The following DOCK3 variants were observed in gnomAD, a reference collection of about 807,000 sequenced individuals.
DOCK3 encodes the protein dedicator of cytokinesis protein 3.
In DOCK3, 60 loss-of-function variants were observed where a neutral mutation model predicts 265.6. That is an observed-to-expected ratio of 0.23 (90% CI 0.18 to 0.28). The LOEUF (loss-of-function observed/expected upper bound fraction) is 0.28. DOCK3 is among the 10% of genes least tolerant of loss of function. DOCK3 has a pLI of 1.00. For missense variants in DOCK3, 1,981 were observed against 2,594.3 expected, an observed-to-expected ratio of 0.76 and a Z score of 5.14; for synonymous variants, 881 against 938.0, an observed-to-expected ratio of 0.94 and a Z score of 1.11.
intron 1 of DOCK3, among the ~76,000 whole-genome samples, chr3:50,749,212 A>G (rs2039637113): frequency 6.6e-6 from 1 of 152,114 alleles, no homozygotes; most frequent in Non-Finnish European, 1.5e-5. Context: ...CAAATATTTA[A>G]TTAAAATATT....
chr3:51,135,263 A>G (rs147899427), intron 9 of DOCK3, among the ~76,000 whole-genome samples: 3 of 152,310 alleles, frequency 2.0e-5, no homozygotes, highest in African/African-American at 7.2e-5. Flanking sequence ...TCCTAAATAT[A>G]TCTCACATCC....
chr3:51,115,368 T>C (rs181146921), intron 9 of DOCK3, among the ~76,000 whole-genome samples: 1 of 152,202 alleles, frequency 6.6e-6, no homozygotes, highest in Admixed American at 6.5e-5. Context: ...CTCACTGTGG[T>C]TTTGATTTGC....
intron 9 of DOCK3, among the ~76,000 whole-genome samples, chr3:51,094,867 T>C (rs1234313472): frequency 2.0e-5 from 3 of 151,938 alleles, no homozygotes; most frequent in Non-Finnish European, 4.4e-5. Context: ...TGGGTGCATA[T>C]ATATTTAGGA....
intron 7 of DOCK3, among the ~76,000 whole-genome samples, chr3:51,080,738 T>A (rs577118807): frequency 6.6e-6 from 1 of 152,232 alleles, no homozygotes; most frequent in Non-Finnish European, 1.5e-5. Context: ...CTACCAAGAT[T>A]AGTAGTCCTT....
chr3:51,101,780 A>G (rs544918719), intron 9 of DOCK3, among the ~76,000 whole-genome samples: 18 of 152,294 alleles, frequency 1.2e-4, no homozygotes, highest in South Asian at 6.2e-4. Flanking sequence ...AGCTGAATTC[A>G]GATTAAGGCA....
intron 5 of DOCK3, among the ~76,000 whole-genome samples, chr3:51,023,518 C>T (rs778175602): frequency 5.9e-5 from 9 of 151,936 alleles, no homozygotes; most frequent in African/African-American, 9.7e-5. Context: ...TGGGTTTAAG[C>T]GATTCTCCTG....
chr3:50,740,356 A>AT (rs962374899), intron 1 of DOCK3, among the ~76,000 whole-genome samples: 22 of 152,206 alleles, frequency 1.4e-4, no homozygotes, highest in Admixed American at 1.1e-3. Context: ...GTATCGTCAT[A>AT]TTTTTTTCAT....
At chr3:51,064,127 C>T (rs2081511957) in intron 5 of DOCK3, among the ~76,000 whole-genome samples, 1 of 152,144 alleles carries the variant, frequency 6.6e-6, no homozygotes, top group Non-Finnish European at 1.5e-5. Context: ...GGGAAAGCAG[C>T]TCTGGGCTCC....
chr3:51,318,940 T>C (rs2083519197), intron 32 of DOCK3, among the ~76,000 whole-genome samples: 1 of 152,136 alleles, frequency 6.6e-6, no homozygotes, highest in Admixed American at 6.5e-5. Context: ...TTATTAGTTC[T>C]GGAAGCTTTT....
chr3:51,317,166 T>A (rs182433961), intron 32 of DOCK3, among the ~76,000 whole-genome samples: 2 of 152,070 alleles, frequency 1.3e-5, no homozygotes, highest in African/African-American at 2.4e-5. Context: ...AGGTTCTTTT[T>A]TTTATTTTGC....
chr3:51,369,656 G>A (rs536025114), intron 49 of DOCK3, among the ~76,000 whole-genome samples: 9 of 151,830 alleles, frequency 5.9e-5, no homozygotes, highest in South Asian at 4.2e-4. Flanking sequence ...TAGGAGTGAT[G>A]GAGAGAAGCC....
Position 51,341,280 on chromosome 3 carries a change from G to C in DOCK3, c.3810G>C (p.Trp1270Cys). Residue 1270 changes from tryptophan to cysteine, a missense_variant, in exon 38 of 53, where the codon TGG becomes TGC. Physicochemically the swap from Trp to Cys is radical, Grantham distance 215. Coordinates refer to ENST00000266037, the MANE Select transcript of DOCK3 (RefSeq NM_004947.5). ...TLLLYCELLQ[W>C]EDRPLREFLH... is the part of the protein sequence containing the mutation. ...TCCTTTACTGTGAGCTGCTGCAGTG[G>C]GAGGACCGGCCACTACGGGAATTCC... is the stretch of plus-strand genomic sequence containing the variant. The C allele has an allele frequency of 6.2e-7, 1 of 1,608,058 alleles. No homozygotes were observed. The highest frequency in any genetic ancestry group is 8.5e-7 in the Non-Finnish European group (1 of 1,176,868).
chr3:50,787,124 G>GT (rs1356511461), intron 2 of DOCK3: 2 of 695,084 alleles, frequency 2.9e-6, no homozygotes, highest in Non-Finnish European at 5.4e-6. Context: ...CAAACTAAAT[G>GT]TTTTTTTCAC....
chr3:51,251,630 AGCTTTTTTTCATATGTT>A (rs2079245280), intron 22 of DOCK3, among the ~76,000 whole-genome samples: 1 of 152,152 alleles, frequency 6.6e-6, no homozygotes, highest in Non-Finnish European at 1.5e-5. Context: ...CGTGATGATG[AGCTTTTTTTCATATGTT>A]GGTTGGCTGC....
intron 5 of DOCK3, among the ~76,000 whole-genome samples, chr3:51,011,641 A>C (rs939614772): frequency 6.6e-6 from 1 of 152,208 alleles, no homozygotes; most frequent in Admixed American, 6.5e-5. Flanking sequence ...GTCATTCTCT[A>C]TCCAGCTTTG....
At chr3:51,356,288 C>T (rs896240807) in intron 42 of DOCK3, 33 bp downstream of exon 42, 4 of 1,613,178 alleles carry the variant, frequency 2.5e-6, no homozygotes, top group Admixed American at 3.3e-5. Flanking sequence ...GCAGTACACA[C>T]AGCAAGTCCA....
intron 51 of DOCK3, among the ~76,000 whole-genome samples, chr3:51,376,473 T>G (rs1011860128): frequency 6.6e-6 from 1 of 152,222 alleles, no homozygotes; most frequent in African/African-American, 2.4e-5. Context: ...TACCCTGTGT[T>G]CTGCTTCTGC....
At chr3:51,255,911 C>T (rs6445577) in intron 22 of DOCK3, among the ~76,000 whole-genome samples, 125,053 of 152,200 alleles carry the variant, frequency 0.82, 51,964 homozygotes, top group Middle Eastern at 0.9. Context: ...CTGTTGCTGG[C>T]GAGGAGCTGT....
chr3:50,771,394 A>C (rs1177325752), intron 1 of DOCK3, among the ~76,000 whole-genome samples: 1 of 152,208 alleles, frequency 6.6e-6, no homozygotes, highest in East Asian at 1.9e-4. Context: ...ACCTACAATG[A>C]AATACCATCT....
Sources: gnomAD v4.1 joint callset for allele counts (sites outside exome capture counted in the v4.1 genomes callset) on GRCh38, gnomAD v4.1.1 for gene constraint, MANE v1.5 for transcripts, NCBI Gene and HGNC (gene_info 2026-07-23, HGNC 2026-07-21) for gene names.